ANKS1B: variants seen among roughly 807,000 people sequenced by gnomAD.
ANKS1B encodes the protein ankyrin repeat and sterile alpha motif domain-containing protein 1B.
ANKS1B carries 36 observed loss-of-function variants against 148.3 expected under a neutral mutation model. The observed-to-expected ratio is 0.24, with a 90% CI of 0.19 to 0.32. The LOEUF (loss-of-function observed/expected upper bound fraction) is 0.32. Ranked by LOEUF, ANKS1B falls within the 10% of genes least tolerant of loss-of-function variation. ANKS1B has a pLI of 1.00. For synonymous variants in ANKS1B, 542 were observed against 560.8 expected (o/e 0.97, Z 0.47); for missense variants, 1,157 against 1,542.6 (o/e 0.75, Z 4.19).
At chr12:99,650,237 A>C (rs2291975) in intron 9 of ANKS1B, among the ~76,000 whole-genome samples, 18,393 of 103,154 alleles carry the variant, frequency 0.18, 1,766 homozygotes, top group East Asian at 0.46. Context: ...TAGGAGAATT[A>C]TTCTAAAACT....
At chr12:98,852,022 C>CAAAAAAA (rs35129903) in intron 17 of ANKS1B, among the ~76,000 whole-genome samples, 1 of 61,112 alleles carries the variant, frequency 1.6e-5, no homozygotes, top group Middle Eastern at 0.018. Context: ...GACTCCATCT[C>CAAAAAAA]AAAAAAAAAA....
intron 12 of ANKS1B, among the ~76,000 whole-genome samples, chr12:99,251,349 A>T (rs1315922956): frequency 1.3e-5 from 2 of 152,376 alleles, no homozygotes; most frequent in South Asian, 4.1e-4. Context: ...TTGACATAAT[A>T]ATCATGTGGG....
chr12:99,332,955 T>A (rs926593080), intron 12 of ANKS1B, among the ~76,000 whole-genome samples: 1 of 151,892 alleles, frequency 6.6e-6, no homozygotes, highest in Non-Finnish European at 1.5e-5. Flanking sequence ...GGGGCTGTAT[T>A]GTAGCCTAAG....
At chr12:99,155,056 A>C in intron 14 of ANKS1B, 1 of 1,535,042 alleles carries the variant, frequency 6.5e-7, no homozygotes, top group Admixed American at 2.0e-5. Flanking sequence ...AAGTGCTTAA[A>C]TCTGAATTGA....
Position 99,528,739 on chromosome 12 carries a change from A to G in ANKS1B, c.1273-24098T>C, listed in dbSNP as rs188778478. On this transcript the variant is annotated intron_variant, in intron 9 of 26. Transcript: ENST00000683438. ...AATTTTTAAAATGAGATAAATGTGC[A>G]AGTACTGATATGTTAAGCTAAAACA... is the stretch of plus-strand genomic sequence containing the variant. Among the ~76,000 whole-genome samples the G allele has an allele frequency of 3.7e-3, 565 of 152,072 alleles. 7 individuals are homozygous for G. The highest frequency in any genetic ancestry group is 5.8e-3 in the Non-Finnish European group (397 of 67,924).
intron 9 of ANKS1B, among the ~76,000 whole-genome samples, chr12:99,535,538 C>G (rs2153103707): frequency 6.6e-6 from 1 of 152,302 alleles, no homozygotes; most frequent in South Asian, 2.1e-4. Context: ...TTATTCAAAT[C>G]AAAACTCTCT....
intron 9 of ANKS1B, among the ~76,000 whole-genome samples, chr12:99,612,112 A>C (rs780933626): frequency 2.0e-5 from 3 of 152,108 alleles, no homozygotes; most frequent in Non-Finnish European, 4.4e-5. Flanking sequence ...ATGTGATCTG[A>C]AGTACCACAG....
At position 99,703,486 on chromosome 12, in the gene ANKS1B, G is replaced by A. The variant is rs188147436; in HGVS notation, c.1129-48276C>T. On this transcript the variant is annotated intron_variant, in intron 8 of 26. Transcript: ENST00000683438. ...TGTTATGGTTATCTCCTTTCTTTACGTTTCAGTATCCCTGAAACATATTAT... is the reference window on the plus strand; with the variant it reads ...TGTTATGGTTATCTCCTTTCTTTACATTTCAGTATCCCTGAAACATATTAT... Among the ~76,000 whole-genome samples the A allele has an allele frequency of 2.2e-4, 33 of 152,024 alleles. No individual in the cohort carries two copies. The East Asian group carries it at 5.0e-3, about 23-fold the overall frequency.
rs188682416 is a variant in ANKS1B, at chr12:99,724,306, C to T, written c.1128+48616G>A. On this transcript the variant is annotated intron_variant, in intron 8 of 26. Coordinates refer to ENST00000683438, the MANE Select transcript of ANKS1B (RefSeq NM_001352186.2). ...CTAGAATAACCAGTTTAGAGAGGAA[C>T]ATAAATAACCTGATGGAGCTGAAAA... is the stretch of plus-strand genomic sequence containing the variant. Among the ~76,000 whole-genome samples the T allele has an allele frequency of 6.6e-3, 1,005 of 152,204 alleles. 9 individuals are homozygous for T. The highest frequency in any genetic ancestry group is 0.015 in the South Asian group (70 of 4,822).
At position 99,821,278 on chromosome 12, in the gene ANKS1B, C is replaced by T. The variant is rs114507910; in HGVS notation, c.215+4031G>A. On this transcript the variant is annotated intron_variant, in intron 2 of 26. Transcript: ENST00000683438. ...TAGAATCTTCCTGCTTTTTCCAATG[C>T]CTATAGGATGACACTGAAAATTAAA... Among the ~76,000 whole-genome samples, 857 of 151,870 alleles carry T rather than the reference C, an allele frequency of 5.6e-3. 7 individuals are homozygous for T. The highest frequency in any genetic ancestry group is 0.019 in the African/African-American group (804 of 41,458).
chr12:99,214,283 C>CTTGGGT (rs2083803012), intron 14 of ANKS1B, among the ~76,000 whole-genome samples: 1 of 151,994 alleles, frequency 6.6e-6, no homozygotes, highest in Admixed American at 6.6e-5. Flanking sequence ...ATCAGATTGG[C>CTTGGGT]TTGGGTTTAA....
Position 99,655,076 on chromosome 12 carries a change from C to A in ANKS1B, c.1263G>T (p.Met421Ile). 6.3e-7 allele frequency: 1 copy of A among 1,577,856 alleles called. No individual in the cohort carries two copies. The highest frequency in any genetic ancestry group is 8.6e-7 in the Non-Finnish European group (1 of 1,158,170). ...CNGCRNLGFP[M>I]LAQESYPKKR... ...AAAAGCAAACTTTTACCTGGGCAAG[C>A]ATGGGGAAGCCAAGGTTCCTACATC... The change falls in exon 9 of 27, where the codon ATG (methionine) becomes ATT (isoleucine). Residue 421 changes from methionine (M) to isoleucine (I), a missense_variant. This residue lies in a region of ANKS1B where 661 missense variants were observed against 642.1 expected (regional missense o/e 1.03). Transcript: ENST00000683438.
At chr12:98,793,748 A>G (rs1026508517) in intron 22 of ANKS1B, among the ~76,000 whole-genome samples, 1 of 152,246 alleles carries the variant, frequency 6.6e-6, no homozygotes, top group Non-Finnish European at 1.5e-5. Flanking sequence ...GTAAGACTGC[A>G]GAGAGTATTA....
intron 12 of ANKS1B, among the ~76,000 whole-genome samples, chr12:99,394,017 T>C (rs978933300): frequency 2.0e-5 from 3 of 152,168 alleles, no homozygotes; most frequent in Non-Finnish European, 2.9e-5. Flanking sequence ...CAGAACCACA[T>C]TGGATAGTCT....
chr12:99,602,996 G>T (rs1376284709), intron 9 of ANKS1B, among the ~76,000 whole-genome samples: 1 of 151,952 alleles, frequency 6.6e-6, no homozygotes, highest in Non-Finnish European at 1.5e-5. Flanking sequence ...AATAAGTTTA[G>T]TCTCCTTAAA....
chr12:99,452,906 G>A (rs1010221772), intron 10 of ANKS1B, among the ~76,000 whole-genome samples: 2 of 152,184 alleles, frequency 1.3e-5, no homozygotes, highest in African/African-American at 2.4e-5. Context: ...CTCTAGGATG[G>A]TCCCAATTGA....
intron 16 of ANKS1B, among the ~76,000 whole-genome samples, chr12:99,074,507 C>T (rs781511929): frequency 2.0e-5 from 3 of 152,104 alleles, no homozygotes; most frequent in African/African-American, 4.8e-5. Flanking sequence ...ACAGTTATTG[C>T]GATTTTGCAT....
At chr12:99,905,243 G>A (rs1055318882) in intron 1 of ANKS1B, among the ~76,000 whole-genome samples, 1 of 152,182 alleles carries the variant, frequency 6.6e-6, no homozygotes, top group African/African-American at 2.4e-5. Flanking sequence ...GTGCCATGTT[G>A]TACCCAAATG....
At chr12:98,772,948 C>G (rs757617483) in intron 25 of ANKS1B, 94 bp downstream of exon 25, 39 of 1,428,670 alleles carry the variant, frequency 2.7e-5, no homozygotes, top group Non-Finnish European at 3.5e-5. Context: ...GGTAAACAAG[C>G]CAAGCTAGTG....
Sources: allele counts gnomAD v4.1 joint callset (sites outside exome capture counted in the v4.1 genomes callset), GRCh38; gene constraint gnomAD v4.1.1; regional missense constraint gnomAD v4.1.1; transcripts MANE v1.5; gene names NCBI Gene and HGNC (gene_info 2026-07-23, HGNC 2026-07-21).